ORC2: variants seen among roughly 807,000 people sequenced by gnomAD.
The protein encoded by ORC2 is origin recognition complex protein 2 homolog.
ORC2 carries 37 observed loss-of-function variants against 77.7 expected under a neutral mutation model. The ratio of observed to expected loss-of-function variants is 0.48; its 90% CI spans 0.37 to 0.63. The LOEUF is 0.63. ORC2 is among the 20% of genes least tolerant of loss of function. ORC2 has a pLI of 0.00. For missense variants in ORC2, 557 were observed against 661.9 expected (o/e 0.84, Z 1.74); for synonymous variants, 201 against 229.5 (o/e 0.88, Z 1.12).
intron 4 of ORC2, among the ~76,000 whole-genome samples, chr2:200,952,207 C>T (rs1415171254): frequency 1.3e-5 from 2 of 151,642 alleles, no homozygotes; most frequent in Non-Finnish European, 2.9e-5. Flanking sequence ...AGAACTACAA[C>T]TAGAATATAT....
intron 8 of ORC2, among the ~76,000 whole-genome samples, chr2:200,937,404 T>C (rs895093311): frequency 2.6e-5 from 4 of 152,210 alleles, no homozygotes; most frequent in African/African-American, 9.6e-5. Flanking sequence ...CTATGAAGTA[T>C]GAAGCCCTGA....
At position 200,930,506 on chromosome 2, in the gene ORC2, CTTT is replaced by C. The variant is rs572005723; in HGVS notation, c.917+830_917+832del. 9.2e-3 allele frequency among the ~76,000 whole-genome samples: 1,257 copies of C among 136,250 alleles called. 15 individuals are homozygous for C. Among genetic ancestry groups the C allele is most frequent in the African/African-American group, 0.026 (986 of 37,324 alleles). 89.4% of individuals were successfully genotyped at this position (136,250 alleles called of 152,430 possible). A position where few individuals can be genotyped will look rare whatever the true frequency, so the allele number is the denominator to read the frequency against. On this transcript the variant is annotated intron_variant, in intron 11 of 17. Transcript: ENST00000234296. ...GTTAATCATTCCCTTCCTAGCATAA[CTTT>C]TTTTTTTTTTTTTTTTTAAGACAGA...
intron 5 of ORC2, among the ~76,000 whole-genome samples, chr2:200,946,394 C>T (rs1197436052): frequency 2.0e-5 from 3 of 152,028 alleles, no homozygotes; most frequent in Admixed American, 2.0e-4. Flanking sequence ...GATGTAAACA[C>T]AATTAGCAAC....
chr2:200,938,273 G>A lies in ORC2; in HGVS notation c.454-307C>T, dbSNP rs538064517. On this transcript the variant is annotated intron_variant, in intron 7 of 17. Transcript: ENST00000234296. ...CAAAACTCCTGACCTCAAGTGAACC[G>A]CCCACCTTAACCTCCCAAAGTACTG... is the stretch of plus-strand genomic sequence containing the variant. 8.9e-4 allele frequency among the ~76,000 whole-genome samples: 136 copies of A among 152,244 alleles called. 1 individual carries two copies. Among genetic ancestry groups the A allele is most frequent in the African/African-American group, 3.2e-3 (131 of 41,552 alleles).
chr2:200,949,119 T>C (rs774549281), intron 5 of ORC2, among the ~76,000 whole-genome samples: 28 of 151,756 alleles, frequency 1.8e-4, no homozygotes, highest in Non-Finnish European at 2.6e-4. Flanking sequence ...AGCACACCTG[T>C]AGTCTCAGCT....
At chr2:200,962,483 A>C (rs1351720419) in intron 1 of ORC2, among the ~76,000 whole-genome samples, 1 of 152,206 alleles carries the variant, frequency 6.6e-6, no homozygotes, top group Non-Finnish European at 1.5e-5. Context: ...TCCAATCTCC[A>C]CTCCATACTT....
intron 16 of ORC2, 64 bp downstream of exon 16, chr2:200,913,865 CCA>C: frequency 6.6e-7 from 1 of 1,516,378 alleles, no homozygotes; most frequent in Non-Finnish European, 8.8e-7. Context: ...TCATTAAATT[CCA>C]GAGACAGGAA....
rs370062750 is a variant in ORC2, at chr2:200,941,949, TGCACTCCA to T, written c.422-678_422-671del. On this transcript the variant is annotated intron_variant, in intron 6 of 17. Coordinates refer to ENST00000234296, the MANE Select transcript of ORC2 (RefSeq NM_006190.5). Reference sequence around the variant, plus strand: ...TTGCAATGAGCCAAGATCACACCACTGCACTCCAGCACTCCAGCACTCCAGCCTGGGTG... The same window carrying T: ...TTGCAATGAGCCAAGATCACACCACTGCACTCCAGCACTCCAGCCTGGGTG... 7.4e-3 allele frequency among the ~76,000 whole-genome samples: 1,115 copies of T among 150,930 alleles called. 10 individuals carry two copies. Among genetic ancestry groups the T allele is most frequent in the African/African-American group, 0.026 (1,049 of 41,014 alleles).
In ORC2 at chr2:200,913,366, C is replaced by T. The variant is rs143665733; in HGVS notation, c.1576G>A (p.Val526Ile). Reference sequence around the variant, plus strand: ...GCCCGGAGTGTCAGATCACTATTGACGAGGAATGCCTCCCGACACTGCTGG... The same window carrying T: ...GCCCGGAGTGTCAGATCACTATTGATGAGGAATGCCTCCCGACACTGCTGG... ...FYQQCREAFL[V>I]NSDLTLRAQL... The change falls in exon 17 of 18, where the codon GTC becomes ATC. Residue 526 changes from valine to isoleucine, a missense_variant. Coordinates refer to ENST00000234296, the MANE Select transcript of ORC2 (RefSeq NM_006190.5). 1.0e-4 allele frequency: 167 copies of T among 1,599,578 alleles called. 1 individual carries two copies. The highest frequency in any genetic ancestry group is 1.1e-4 in the South Asian group (10 of 90,924).
rs556492104 is a variant in ORC2, at chr2:200,941,104, G to A, written c.453+144C>T. On this transcript the variant is annotated intron_variant, in intron 7 of 17. Transcript: ENST00000234296. The stretch of plus-strand genomic sequence containing the variant: ...TGAACCTCAAATTCTCCACCTATAA[G>A]TTAGGTATTTAACTGCCAAATATCT... 10 of 540,044 alleles carry A rather than the reference G, an allele frequency of 1.9e-5. No homozygotes were observed. The South Asian group carries it at 2.7e-4, about 15-fold the overall frequency. 33.5% of individuals were successfully genotyped at this position (540,044 alleles called of 1,614,324 possible).
chr2:200,962,176 C>T (rs1344624350), intron 1 of ORC2, among the ~76,000 whole-genome samples: 1 of 152,156 alleles, frequency 6.6e-6, no homozygotes, highest in Admixed American at 6.5e-5. Flanking sequence ...TCCAACAGTT[C>T]CTGAAAAACA....
chr2:200,939,259 A>G (rs912017731), intron 7 of ORC2, among the ~76,000 whole-genome samples: 1 of 152,192 alleles, frequency 6.6e-6, no homozygotes, highest in East Asian at 1.9e-4. Context: ...TTTATGTCCT[A>G]TTAAACTGAT....
intron 4 of ORC2, among the ~76,000 whole-genome samples, chr2:200,955,258 T>C (rs1420090482): frequency 6.6e-6 from 1 of 152,172 alleles, no homozygotes; most frequent in Non-Finnish European, 1.5e-5. Flanking sequence ...AACACCAAGT[T>C]TTATTTAGAA....
rs575834462 is a variant in ORC2 at position 200,909,119 on chromosome 2, G to T, written c.*2182C>A. The T allele has an allele frequency of 6.6e-6, 1 of 151,918 alleles. No individual in the cohort carries two copies. The highest frequency in any genetic ancestry group is 2.1e-4 in the South Asian group (1 of 4,828). 9.4% of individuals were successfully genotyped at this position (151,918 alleles called of 1,614,324 possible). A position where few individuals can be genotyped will look rare whatever the true frequency, so the allele number is the denominator to read the frequency against. On this transcript the variant is annotated 3_prime_UTR_variant, in exon 18 of 18. Coordinates refer to ENST00000234296, the MANE Select transcript of ORC2 (RefSeq NM_006190.5). The stretch of plus-strand genomic sequence containing the variant: ...GCAGATGCAAAAATTTGCACATTAG[G>T]TCATTATAAACTAGATATATTAAGC...
intron 13 of ORC2, among the ~76,000 whole-genome samples, chr2:200,923,971 T>C (rs1462580841): frequency 6.6e-6 from 1 of 152,186 alleles, no homozygotes; most frequent in Non-Finnish European, 1.5e-5. Flanking sequence ...TAAATAAATG[T>C]TAGCAAGCAG....
chr2:200,952,046 C>CT (rs35690192), intron 4 of ORC2, among the ~76,000 whole-genome samples: 4 of 151,540 alleles, frequency 2.6e-5, no homozygotes, highest in East Asian at 1.9e-4. Context: ...GGTAGAGGGC[C>CT]TTTTTTTTAA....
intron 3 of ORC2, 60 bp downstream of exon 3, chr2:200,957,970 G>T: frequency 9.4e-7 from 1 of 1,068,916 alleles, no homozygotes; most frequent in Non-Finnish European, 1.4e-6. Context: ...AGTTTTAAAA[G>T]TGAAATAATC....
At chr2:200,922,846 GCTT>G (rs2040782758) in intron 13 of ORC2, among the ~76,000 whole-genome samples, 1 of 152,164 alleles carries the variant, frequency 6.6e-6, no homozygotes, top group Non-Finnish European at 1.5e-5. Flanking sequence ...AAAAAGCAAT[GCTT>G]CTGTTATTCT....
chr2:200,949,887 A>G (rs2041319873), intron 4 of ORC2, among the ~76,000 whole-genome samples: 1 of 152,156 alleles, frequency 6.6e-6, no homozygotes, highest in Non-Finnish European at 1.5e-5. Flanking sequence ...CCATAGCAAA[A>G]CCCCAGATTA....
Sources: allele counts gnomAD v4.1 joint callset (sites outside exome capture counted in the v4.1 genomes callset), GRCh38; gene constraint gnomAD v4.1.1; transcripts MANE v1.5; gene names NCBI Gene and HGNC (gene_info 2026-07-23, HGNC 2026-07-21).